XPR1: variants seen among roughly 807,000 people sequenced by gnomAD.
XPR1 encodes the protein xenotropic and polytropic retrovirus receptor 1, also known as solute carrier family 53 member 1.
XPR1 carries 28 observed loss-of-function variants against 87.5 expected under a neutral mutation model. That is an observed-to-expected ratio of 0.32 (90% CI 0.24 to 0.44). The LOEUF is 0.44. Ranked by LOEUF, XPR1 falls within the 20% of genes least tolerant of loss-of-function variation. XPR1 has a pLI of 1.00. For synonymous variants in XPR1, 300 were observed against 306.1 expected (o/e 0.98, Z 0.21); for missense variants, 559 against 862.3 (o/e 0.65, Z 4.41).
intron 1 of XPR1, among the ~76,000 whole-genome samples, chr1:180,681,370 G>A (rs985393695): frequency 6.6e-6 from 1 of 152,196 alleles, no homozygotes; most frequent in South Asian, 2.1e-4. Context: ...TTCTGGCCGG[G>A]TGCAGTGGCT....
At chr1:180,667,694 G>C (rs1656009506) in intron 1 of XPR1, among the ~76,000 whole-genome samples, 1 of 152,108 alleles carries the variant, frequency 6.6e-6, no homozygotes, top group Non-Finnish European at 1.5e-5. Flanking sequence ...TAAATGTTGG[G>C]TAGAATTCAC....
intron 1 of XPR1, among the ~76,000 whole-genome samples, chr1:180,638,031 G>A (rs997088708): frequency 1.3e-5 from 2 of 151,758 alleles, no homozygotes; most frequent in African/African-American, 4.8e-5. Context: ...TTGAAACACT[G>A]TATCATAAAA....
At chr1:180,639,086 C>T (rs950588211) in intron 1 of XPR1, among the ~76,000 whole-genome samples, 1 of 152,132 alleles carries the variant, frequency 6.6e-6, no homozygotes, top group Non-Finnish European at 1.5e-5. Flanking sequence ...CGCCTGAGAT[C>T]AGGAGTTCGA....
intron 2 of XPR1, among the ~76,000 whole-genome samples, chr1:180,736,754 T>G (rs1658741828): frequency 6.6e-6 from 1 of 152,004 alleles, no homozygotes; most frequent in Non-Finnish European, 1.5e-5. Flanking sequence ...TGTAAATAAC[T>G]GGGGTTAGGG....
intron 2 of XPR1, among the ~76,000 whole-genome samples, chr1:180,785,931 G>A (rs1020769547): frequency 2.3e-4 from 34 of 148,830 alleles, no homozygotes; most frequent in African/African-American, 7.4e-4. Context: ...CTTCCTTAAC[G>A]CAAACTCAGC....
chr1:180,824,974 A>C (rs1196042126), intron 8 of XPR1, 31 bp downstream of exon 8: 1 of 1,602,364 alleles, frequency 6.2e-7, no homozygotes. Flanking sequence ...CACCTCATGA[A>C]TATAGTTTGC....
At chr1:180,673,326 T>C (rs1232964207) in intron 1 of XPR1, among the ~76,000 whole-genome samples, 1 of 152,242 alleles carries the variant, frequency 6.6e-6, no homozygotes, top group Non-Finnish European at 1.5e-5. Flanking sequence ...TTTTTTAGAT[T>C]GAATAATATA....
chr1:180,796,631 T>C (rs1273689832), intron 3 of XPR1, among the ~76,000 whole-genome samples: 1 of 152,146 alleles, frequency 6.6e-6, no homozygotes, highest in East Asian at 1.9e-4. Context: ...ACAAAGATAA[T>C]GATGATAGGC....
At position 180,834,974 on chromosome 1, in the gene XPR1, A is replaced by T; in HGVS notation, c.1235A>T (p.Tyr412Phe). 1 of 1,614,092 alleles carries T rather than the reference A, an allele frequency of 6.2e-7. No individual in the cohort carries two copies. Among genetic ancestry groups the T allele is most frequent in the South Asian group, 1.1e-5 (1 of 91,078 alleles). Residue 412 changes from tyrosine to phenylalanine, a missense_variant, in exon 10 of 15, where the codon TAT becomes TTT. Transcript: ENST00000367590. ...TCAGTGATACTGATGGACCTGGAAT[A>T]TATGATCTGCTTCTACAGTTTGGAG... ...SLSVILMDLE[Y>F]MICFYSLELK...
intron 1 of XPR1, among the ~76,000 whole-genome samples, chr1:180,663,224 A>G (rs1273812347): frequency 6.6e-6 from 1 of 152,128 alleles, no homozygotes; most frequent in Non-Finnish European, 1.5e-5. Context: ...AGAGTTATTT[A>G]TTGTAGTCTT....
intron 7 of XPR1, among the ~76,000 whole-genome samples, chr1:180,815,688 A>G (rs1650382493): frequency 6.6e-6 from 1 of 152,108 alleles, no homozygotes; most frequent in Non-Finnish European, 1.5e-5. Context: ...TTTCTTTTGC[A>G]GGTTCCTACT....
At chr1:180,710,626 G>A (rs1657730555) in intron 2 of XPR1, among the ~76,000 whole-genome samples, 1 of 152,182 alleles carries the variant, frequency 6.6e-6, no homozygotes. Context: ...GCAACAATCT[G>A]ATTTCTCTAT....
chr1:180,857,073 G>C (rs548710633), intron 11 of XPR1, among the ~76,000 whole-genome samples: 1 of 152,272 alleles, frequency 6.6e-6, no homozygotes, highest in East Asian at 1.9e-4. Flanking sequence ...TTTAGGTATA[G>C]ATTACATAAA....
At chr1:180,687,273 T>A (rs1018927822) in intron 2 of XPR1, among the ~76,000 whole-genome samples, 9 of 152,140 alleles carry the variant, frequency 5.9e-5, no homozygotes, top group South Asian at 2.1e-4. Flanking sequence ...TTGTATTTTT[T>A]AAATTTTCTT....
intron 2 of XPR1, among the ~76,000 whole-genome samples, chr1:180,773,512 AT>A (rs1410143298): frequency 2.0e-5 from 3 of 152,334 alleles, no homozygotes; most frequent in Non-Finnish European, 2.9e-5. Context: ...ATGGAAAACC[AT>A]TTTTAGCATA....
At chr1:180,661,254 G>A (rs1044209874) in intron 1 of XPR1, among the ~76,000 whole-genome samples, 5 of 151,136 alleles carry the variant, frequency 3.3e-5, no homozygotes, top group East Asian at 1.9e-4. Flanking sequence ...TAGGTGAAGC[G>A]TGTTTCTTGT....
chr1:180,752,683 A>T (rs897533542), intron 2 of XPR1, among the ~76,000 whole-genome samples: 2 of 152,030 alleles, frequency 1.3e-5, no homozygotes, highest in Admixed American at 1.3e-4. Context: ...GATTTAATAG[A>T]TCCCAGAGGA....
intron 1 of XPR1, among the ~76,000 whole-genome samples, chr1:180,679,423 G>A (rs147418197): frequency 6.6e-6 from 1 of 152,282 alleles, no homozygotes; most frequent in East Asian, 1.9e-4. Context: ...ATTCTATAAT[G>A]CGCAGAGCAG....
chr1:180,657,945 T>A (rs1238360003), intron 1 of XPR1, among the ~76,000 whole-genome samples: 1 of 152,116 alleles, frequency 6.6e-6, no homozygotes, highest in Non-Finnish European at 1.5e-5. Flanking sequence ...ATTTTTTGCA[T>A]GTGTGTCCTC....
Sources: allele counts gnomAD v4.1 joint callset (sites outside exome capture counted in the v4.1 genomes callset), GRCh38; gene constraint gnomAD v4.1.1; transcripts MANE v1.5; gene names NCBI Gene and HGNC (gene_info 2026-07-23, HGNC 2026-07-21).